PIK3CD: variants seen among roughly 807,000 people sequenced by gnomAD.
The protein encoded by PIK3CD is phosphatidylinositol-4,5-bisphosphate 3-kinase catalytic subunit delta, also known as phosphatidylinositol 4,5-bisphosphate 3-kinase catalytic subunit delta isoform.
PIK3CD carries 20 observed loss-of-function variants against 122.9 expected under a neutral mutation model. The observed-to-expected ratio is 0.16, with a 90% CI of 0.11 to 0.24. PIK3CD has a LOEUF of 0.24. Among genes scored for constraint, PIK3CD ranks in the 10% least tolerant of loss-of-function variants. PIK3CD has a pLI of 1.00. For synonymous variants in PIK3CD, 596 were observed against 593.4 expected (o/e 1.00, Z -0.06); for missense variants, 787 against 1,406.3 (o/e 0.56, Z 7.04).
At position 9,724,497 on chromosome 1, in the gene PIK3CD, G is replaced by C. The variant is rs1467522955; in HGVS notation, c.2864+76G>C. ...AACAGGGCAGAGGTTCCCAGGCAGG[G>C]TGCAGGATGGGGCTCAGGTCTCAAC... On this transcript the variant is annotated intron_variant, in intron 22 of 23. Transcript: ENST00000377346. The surrounding 1 kb of genome is among the most constrained non-coding windows in gnomAD (Gnocchi z 7.3). 1 of 1,536,476 alleles carries C rather than the reference G, an allele frequency of 6.5e-7. No individual in the cohort carries two copies. Among genetic ancestry groups the C allele is most frequent in the Admixed American group, 1.7e-5 (1 of 59,528 alleles).
the PIK3CD span, among the ~76,000 whole-genome samples, chr1:9,630,081 G>T: frequency 6.6e-5 from 10 of 152,198 alleles, no homozygotes; most frequent in Admixed American, 5.2e-4. Context: ...TGGCCCACGG[G>T]GGGAGCAGAG....
intron 2 of PIK3CD, among the ~76,000 whole-genome samples, chr1:9,699,151 A>G (rs1387516926): frequency 6.6e-6 from 1 of 152,146 alleles, no homozygotes; most frequent in Non-Finnish European, 1.5e-5. Context: ...TCAAGGCTAC[A>G]GTGAGCTATG....
Position 9,723,198 on chromosome 1 carries a change from A to G in PIK3CD, c.2500A>G (p.Ile834Val). Residue 834 changes from isoleucine (I) to valine (V), a missense_variant, in exon 20 of 24, where the codon ATC becomes GTC. By Grantham distance (29) the Ile-to-Val change is conservative (BLOSUM62 3). Transcript: ENST00000377346. The surrounding 1 kb of genome is among the most constrained non-coding windows in gnomAD (Gnocchi z 4.9). The part of the protein sequence containing the change: ...LIEVVLRSDT[I>V]ANIQLNKSNM... ...TGAGGTGGTACTCCGTTCAGACACC[A>G]TCGCCAACATCCAACTCAACAAGAG... 1.2e-6 allele frequency: 2 copies of G among 1,613,860 alleles called. No individual in the cohort carries two copies. Among genetic ancestry groups the G allele is most frequent in the Non-Finnish European group, 1.7e-6 (2 of 1,180,026 alleles).
At chr1:9,677,413 A>G (rs986762583) in intron 1 of PIK3CD, among the ~76,000 whole-genome samples, 11 of 152,142 alleles carry the variant, frequency 7.2e-5, no homozygotes, top group Non-Finnish European at 1.6e-4. Flanking sequence ...TGGGAGGCGG[A>G]GGCAGGCAGA....
Position 9,720,030 on chromosome 1 carries a change from CCAG to C in PIK3CD, c.1339+14_1339+16del. 1 of 1,613,456 alleles carries C rather than the reference CCAG, an allele frequency of 6.2e-7. No individual in the cohort carries two copies. The highest frequency in any genetic ancestry group is 8.5e-7 in the Non-Finnish European group (1 of 1,179,934). ...CCCTCCGTCCCAGGTCGGCCCAGGC[CCAG>C]GAGGGAGAGGCGTTGGGAGTGTGAG... is the stretch of plus-strand genomic sequence containing the variant. On this transcript the variant is annotated intron_variant, in intron 10 of 23. Coordinates refer to ENST00000377346, the MANE Select transcript of PIK3CD (RefSeq NM_005026.5). The surrounding 1 kb of genome is among the most constrained non-coding windows in gnomAD (Gnocchi z 9.0).
the PIK3CD span, among the ~76,000 whole-genome samples, chr1:9,639,052 C>CCA: frequency 6.6e-6 from 1 of 152,062 alleles, no homozygotes; most frequent in African/African-American, 2.4e-5. Context: ...CACGCGTGAG[C>CCA]CATCGCCTCC....
Position 9,722,078 on chromosome 1 carries a change from G to A in PIK3CD, c.2159G>A (p.Arg720Gln), listed in dbSNP as rs964373496. ...AAGGAGCTGATGCACTTGTGCATGC[G>A]GCAGGAGGCCTACCTAGAGGCCCTC... ...QTKELMHLCM[R>Q]QEAYLEALSH... The change falls in exon 17 of 24, where the codon CGG (arginine) becomes CAG (glutamine). Residue 720 changes from arginine (R) to glutamine (Q), a missense_variant. Around this residue, in one of 6 missense-constraint regions of PIK3CD, gnomAD observed 48 missense variants for 71.9 expected, o/e 0.67. Coordinates refer to ENST00000377346, the MANE Select transcript of PIK3CD (RefSeq NM_005026.5). The surrounding 1 kb of genome is among the most constrained non-coding windows in gnomAD (Gnocchi z 7.6). The A allele has an allele frequency of 1.9e-6, 3 of 1,613,442 alleles. No homozygotes were observed. The highest frequency in any genetic ancestry group is 1.3e-5 in the African/African-American group (1 of 74,918).
intron 1 of PIK3CD, among the ~76,000 whole-genome samples, chr1:9,670,902 C>T (rs745570429): frequency 4.6e-5 from 7 of 151,692 alleles, no homozygotes; most frequent in South Asian, 2.1e-4. Flanking sequence ...GGACCACAGG[C>T]GCCCACCACC....
chr1:9,682,097 A>AT (rs1196051704), intron 1 of PIK3CD, among the ~76,000 whole-genome samples: 2 of 151,810 alleles, frequency 1.3e-5, no homozygotes, highest in African/African-American at 4.8e-5. Flanking sequence ...TAATTTTTGT[A>AT]TTTTTTGTAG....
intron 1 of PIK3CD, among the ~76,000 whole-genome samples, chr1:9,657,407 G>T (rs1288673642): frequency 6.6e-6 from 1 of 152,100 alleles, no homozygotes; most frequent in East Asian, 1.9e-4. Flanking sequence ...GGGAAGTGCG[G>T]TTATCTTTGC....
the PIK3CD span, among the ~76,000 whole-genome samples, chr1:9,636,379 A>C: frequency 4.6e-5 from 7 of 152,170 alleles, no homozygotes; most frequent in Non-Finnish European, 8.8e-5. Flanking sequence ...TTTTTAGTAG[A>C]GACAGGGTTT....
chr1:9,656,670 T>C (rs989427498), intron 1 of PIK3CD, among the ~76,000 whole-genome samples: 2 of 152,006 alleles, frequency 1.3e-5, no homozygotes. Flanking sequence ...GGGCCGGGTG[T>C]GATAGCTCAC....
chr1:9,670,487 C>A (rs941148380), intron 1 of PIK3CD, among the ~76,000 whole-genome samples: 8 of 152,162 alleles, frequency 5.3e-5, no homozygotes, highest in African/African-American at 1.9e-4. Flanking sequence ...GCATTAAAAG[C>A]AAGAGTTTTA....
At chr1:9,661,735 G>T (rs1192432827) in intron 1 of PIK3CD, among the ~76,000 whole-genome samples, 1 of 151,922 alleles carries the variant, frequency 6.6e-6, no homozygotes, top group African/African-American at 2.4e-5. Context: ...GGTGGCTCAC[G>T]CCTGTAATCC....
the PIK3CD span, among the ~76,000 whole-genome samples, chr1:9,628,829 GCTGCGGT>G: frequency 1.3e-5 from 2 of 152,182 alleles, no homozygotes; most frequent in African/African-American, 2.4e-5. Flanking sequence ...GGACAGACGA[GCTGCGGT>G]CAAGACTAGG....
chr1:9,720,091 T>A lies in PIK3CD; in HGVS notation c.1340-21T>A. 6.2e-7 allele frequency: 1 copy of A among 1,613,254 alleles called. No individual in the cohort carries two copies. Among genetic ancestry groups the A allele is most frequent in the South Asian group, 1.1e-5 (1 of 91,086 alleles). On this transcript the variant is annotated intron_variant, in intron 10 of 23. Coordinates refer to ENST00000377346, the MANE Select transcript of PIK3CD (RefSeq NM_005026.5). This position sits in a 1 kb window ranked among gnomAD's most constrained non-coding sequence, Gnocchi z 9.0. The stretch of plus-strand genomic sequence containing the variant: ...GAGATGCTGGTCACCCCTCTACAAC[T>A]TCATCTGCCCCTGTGTTCAGATGAG...
At chr1:9,633,914 G>A in the PIK3CD span, among the ~76,000 whole-genome samples, 8 of 152,246 alleles carry the variant, frequency 5.3e-5, no homozygotes, top group East Asian at 9.6e-4. Flanking sequence ...GTTAAGGGTT[G>A]TGTGCTCCTG....
Position 9,717,853 on chromosome 1 carries a change from G to T in PIK3CD, c.1020+227G>T, listed in dbSNP as rs75175100. On this transcript the variant is annotated intron_variant, in intron 8 of 23. Transcript: ENST00000377346. The surrounding 1 kb of genome is among the most constrained non-coding windows in gnomAD (Gnocchi z 5.4). Reference sequence around the variant, plus strand: ...TTCGTAGAAACTTGGGCCAAGCAGCGTTCTGGGTATTTGACTTTGGTGGAG... The same window carrying T: ...TTCGTAGAAACTTGGGCCAAGCAGCTTTCTGGGTATTTGACTTTGGTGGAG... 5.2e-3 allele frequency among the ~76,000 whole-genome samples: 791 copies of T among 152,310 alleles called. 13 individuals carry two copies. The highest frequency in any genetic ancestry group is 0.018 in the African/African-American group (753 of 41,568).
chr1:9,642,930 A>T, the PIK3CD span, among the ~76,000 whole-genome samples: 1 of 149,904 alleles, frequency 6.7e-6, no homozygotes, highest in Non-Finnish European at 1.5e-5. Flanking sequence ...GTCTCCAAAA[A>T]TAAAAAAATT....
Sources: gnomAD v4.1 joint callset for allele counts (sites outside exome capture counted in the v4.1 genomes callset) on GRCh38, gnomAD v4.1.1 for gene constraint, gnomAD v4.1.1 regional missense constraint, Gnocchi (gnomAD v3.1) non-coding constraint, MANE v1.5 for transcripts, NCBI Gene and HGNC (gene_info 2026-07-23, HGNC 2026-07-21) for gene names.